Variants in MIER1 observed in about 807,000 individuals in gnomAD.
MIER1 encodes mesoderm induction early response protein 1.
Under a neutral mutation model 75.7 loss-of-function variants are expected in MIER1, and 40 were observed. That is an observed-to-expected ratio of 0.53 (90% CI 0.41 to 0.69). The LOEUF (loss-of-function observed/expected upper bound fraction) is 0.69, where lower values mean the gene tolerates loss of function less well. MIER1 is among the 30% of genes least tolerant of loss of function. MIER1 has a pLI of 0.00. For missense variants in MIER1, 574 were observed against 680.2 expected, an observed-to-expected ratio of 0.84 and a Z score of 1.74; for synonymous variants, 213 against 223.4, an observed-to-expected ratio of 0.95 and a Z score of 0.42.
chr1:66,962,536 A>T (rs986852425), intron 7 of MIER1, among the ~76,000 whole-genome samples: 17 of 152,078 alleles, frequency 1.1e-4, no homozygotes, highest in African/African-American at 4.1e-4. Context: ...GTTTCCCATT[A>T]GCTGTGTGTG....
In MIER1 at chr1:66,985,008, T is replaced by C. The variant is rs934561064; in HGVS notation, c.*108T>C. The C allele has an allele frequency of 1.3e-5, 19 of 1,425,380 alleles. No homozygotes were observed. The Admixed American group carries it at 1.6e-4, about 12-fold the overall frequency. 88.3% of individuals were successfully genotyped at this position (1,425,380 alleles called of 1,614,324 possible). ...GATTTCCTTGAAGCAGTTTGAAAATTTGAATTGAGTCTTAACTTTAGGAAA... is the reference window on the plus strand; with the variant it reads ...GATTTCCTTGAAGCAGTTTGAAAATCTGAATTGAGTCTTAACTTTAGGAAA... On this transcript the variant is annotated 3_prime_UTR_variant, in exon 14 of 14. Transcript: ENST00000401041.
intron 1 of MIER1, 146 bp from the exon 2 acceptor site, chr1:66,925,996 G>C (rs1036062794): frequency 7.9e-6 from 5 of 634,422 alleles, no homozygotes; most frequent in African/African-American, 5.5e-5. Context: ...ATGACTTAAG[G>C]CTCATTAAAT....
intron 4 of MIER1, 55 bp downstream of exon 4, chr1:66,946,350 G>C (rs775410660): frequency 1.1e-5 from 16 of 1,485,714 alleles, no homozygotes; most frequent in Non-Finnish European, 1.3e-5. Context: ...TTGTGGAAAG[G>C]GAAGATCTGA....
intron 12 of MIER1, among the ~76,000 whole-genome samples, chr1:66,977,575 T>C (rs573446758): frequency 6.6e-6 from 1 of 152,326 alleles, no homozygotes; most frequent in Non-Finnish European, 1.5e-5. Flanking sequence ...TTATGTAAAA[T>C]GTCTGATATG....
chr1:66,957,904 G>T (rs1001100552), intron 4 of MIER1, among the ~76,000 whole-genome samples, 155 bp from the exon 5 acceptor site: 1 of 152,116 alleles, frequency 6.6e-6, no homozygotes, highest in African/African-American at 2.4e-5. Context: ...CTAGGTTTCA[G>T]AAATATTTTC....
At chr1:66,955,752 T>G (rs1015964838) in intron 4 of MIER1, among the ~76,000 whole-genome samples, 1 of 152,214 alleles carries the variant, frequency 6.6e-6, no homozygotes, top group African/African-American at 2.4e-5. Flanking sequence ...TTAACGCTTA[T>G]GTTTTTTTCC....
At chr1:66,925,266 T>G (rs1651255759) in intron 1 of MIER1, 171 bp downstream of exon 1, 1 of 984,110 alleles carries the variant, frequency 1.0e-6, no homozygotes, top group South Asian at 4.7e-5. Context: ...CCTGGCTTGC[T>G]CTCCGCCGGC....
At chr1:66,958,786 C>CTA (rs2101701750) in intron 5 of MIER1, 65 bp from the exon 6 acceptor site, 1 of 1,344,084 alleles carries the variant, frequency 7.4e-7, no homozygotes, top group Admixed American at 1.9e-5. Flanking sequence ...AATTTATATG[C>CTA]TATGGTCTTT....
At chr1:66,978,280 T>G (rs1449119174) in intron 12 of MIER1, among the ~76,000 whole-genome samples, 1 of 143,226 alleles carries the variant, frequency 7.0e-6, no homozygotes, top group Non-Finnish European at 1.6e-5. Context: ...TTGATCAAGT[T>G]CATTTATAGG....
intron 13 of MIER1, 44 bp downstream of exon 13, chr1:66,981,962 C>A: frequency 6.2e-7 from 1 of 1,600,014 alleles, no homozygotes; most frequent in South Asian, 1.1e-5. Flanking sequence ...TAATAAGGGA[C>A]ACTTTCTTGC....
At chr1:66,977,833 T>TA (rs200736001) in intron 12 of MIER1, among the ~76,000 whole-genome samples, 23 of 151,506 alleles carry the variant, frequency 1.5e-4, no homozygotes, top group African/African-American at 4.1e-4. Context: ...AAAATAAAAA[T>TA]AAAAAAAAAT....
intron 13 of MIER1, among the ~76,000 whole-genome samples, chr1:66,982,129 C>A (rs1666018306): frequency 6.6e-6 from 1 of 152,208 alleles, no homozygotes; most frequent in Admixed American, 6.5e-5. Flanking sequence ...ATAAAGCCTA[C>A]TGTCAACAGT....
chr1:66,966,383 G>T (rs554546873), intron 8 of MIER1, among the ~76,000 whole-genome samples: 1 of 152,144 alleles, frequency 6.6e-6, no homozygotes, highest in Admixed American at 6.5e-5. Context: ...TTTGATGGCT[G>T]CATAGTATTC....
chr1:66,976,560 G>A, intron 11 of MIER1, 35 bp from the exon 12 acceptor site: 1 of 1,530,504 alleles, frequency 6.5e-7, no homozygotes, highest in Non-Finnish European at 8.8e-7. Flanking sequence ...TTGTTAAAAA[G>A]GAGATTCTTA....
chr1:66,925,126 C>T (rs1651176759), intron 1 of MIER1, 31 bp downstream of exon 1: 8 of 1,540,892 alleles, frequency 5.2e-6, no homozygotes, highest in Non-Finnish European at 7.0e-6. Context: ...CCATCTCTCC[C>T]CTTCTATTCC....
rs137968444 is a variant in MIER1, at chr1:66,962,319, C to G, written c.700-769C>G. Among the ~76,000 whole-genome samples, 545 of 152,240 alleles carry G rather than the reference C, an allele frequency of 3.6e-3. 5 individuals are homozygous for G. Among genetic ancestry groups the G allele is most frequent in the African/African-American group, 0.012 (506 of 41,528 alleles). On this transcript the variant is annotated intron_variant, in intron 7 of 13. Coordinates refer to ENST00000401041, the MANE Select transcript of MIER1 (RefSeq NM_001077700.3). ...GAAAGTCAAGCCATAACCTGCTTAT[C>G]TATTTCATTTAGAGTTTCTTTCATT...
chr1:66,973,320 C>T (rs1178132993), intron 11 of MIER1, among the ~76,000 whole-genome samples: 1 of 151,884 alleles, frequency 6.6e-6, no homozygotes, highest in South Asian at 2.1e-4. Context: ...TTATGGAGGG[C>T]CTTTGAAATG....
chr1:66,983,972 C>G (rs1174735906), intron 13 of MIER1, among the ~76,000 whole-genome samples: 1 of 152,212 alleles, frequency 6.6e-6, no homozygotes, highest in Non-Finnish European at 1.5e-5. Flanking sequence ...GATACACCCG[C>G]CTTGGCCTCC....
At chr1:66,984,256 A>G (rs1165208194) in intron 13 of MIER1, among the ~76,000 whole-genome samples, 5 of 152,242 alleles carry the variant, frequency 3.3e-5, no homozygotes, top group African/African-American at 9.6e-5. Flanking sequence ...TTGCTGTCAC[A>G]TATACCTAAT....
Sources: allele counts gnomAD v4.1 joint callset (sites outside exome capture counted in the v4.1 genomes callset), GRCh38; gene constraint gnomAD v4.1.1; transcripts MANE v1.5; gene names NCBI Gene and HGNC (gene_info 2026-07-23, HGNC 2026-07-21).